Variants in DNER observed in about 807,000 individuals in gnomAD.
DNER encodes the protein delta and Notch-like epidermal growth factor-related receptor.
DNER carries 33 observed loss-of-function variants against 78.2 expected under a neutral mutation model. The ratio of observed to expected loss-of-function variants is 0.42; its 90% confidence interval spans 0.32 to 0.56. The LOEUF (loss-of-function observed/expected upper bound fraction) is 0.56, where lower values mean the gene tolerates loss of function less well. Among genes scored for constraint, DNER ranks in the 20% least tolerant of loss-of-function variants. The pLI, the probability that DNER is intolerant of heterozygous loss-of-function variation, is 0.11. For synonymous variants in DNER, 417 were observed against 384.8 expected (o/e 1.08, Z -0.98); for missense variants, 918 against 975.3 (o/e 0.94, Z 0.78).
At chr2:229,572,141 G>C (rs1296054210) in intron 4 of DNER, among the ~76,000 whole-genome samples, 8 of 152,000 alleles carry the variant, frequency 5.3e-5, no homozygotes, top group Non-Finnish European at 1.0e-4. Context: ...TCTCCCTCCC[G>C]TGTTGTTACT....
intron 10 of DNER, among the ~76,000 whole-genome samples, chr2:229,399,600 G>C (rs536828862): frequency 1.3e-5 from 2 of 151,876 alleles, no homozygotes; most frequent in Admixed American, 1.3e-4. Flanking sequence ...AAAAAAATAA[G>C]GTGGTAGGAA....
At chr2:229,639,362 C>T (rs1177257065) in intron 1 of DNER, among the ~76,000 whole-genome samples, 1 of 152,100 alleles carries the variant, frequency 6.6e-6, no homozygotes, top group African/African-American at 2.4e-5. Flanking sequence ...TCAAGCGATT[C>T]TCCTGCCTCA....
In DNER at chr2:229,424,489, A is replaced by C. The variant is rs554098284; in HGVS notation, c.1487-6259T>G. Among the ~76,000 whole-genome samples the C allele has an allele frequency of 4.6e-5, 7 of 152,228 alleles. No homozygotes were observed. The South Asian group carries it at 1.5e-3, about 32-fold the overall frequency. ...AAAACTTATTTTCCCAGAGTTTTGG[A>C]GGCTAGAAGTCCATGTCAAGGTGTC... is the stretch of plus-strand genomic sequence containing the variant. On this transcript the variant is annotated intron_variant, in intron 8 of 12. Coordinates refer to ENST00000341772, the MANE Select transcript of DNER (RefSeq NM_139072.4).
chr2:229,677,441 C>T (rs1237555200), intron 1 of DNER, among the ~76,000 whole-genome samples: 5 of 152,268 alleles, frequency 3.3e-5, no homozygotes, highest in Non-Finnish European at 7.3e-5. Context: ...TTCCAAATCC[C>T]TGTTTTGACT....
At chr2:229,681,498 A>G (rs1222283566) in intron 1 of DNER, among the ~76,000 whole-genome samples, 2 of 152,138 alleles carry the variant, frequency 1.3e-5, no homozygotes, top group East Asian at 1.9e-4. Flanking sequence ...TGTCCCTCCT[A>G]GAAAACACAT....
Position 229,618,134 on chromosome 2 carries a change from A to G in DNER, c.277-26246T>C, listed in dbSNP as rs529987153. Among the ~76,000 whole-genome samples, 6 of 152,278 alleles carry G rather than the reference A, an allele frequency of 3.9e-5. No individual in the cohort carries two copies. The East Asian group carries it at 7.7e-4, about 20-fold the overall frequency. On this transcript the variant is annotated intron_variant, in intron 1 of 12. Transcript: ENST00000341772. Reference sequence around the variant, plus strand: ...GCCAGCCCTATATTCTCATAGATACATAATGTAGGCAATAGAGCATAATGG... The same window carrying G: ...GCCAGCCCTATATTCTCATAGATACGTAATGTAGGCAATAGAGCATAATGG...
intron 6 of DNER, among the ~76,000 whole-genome samples, chr2:229,481,761 A>G (rs1267723894): frequency 1.3e-5 from 2 of 152,250 alleles, no homozygotes; most frequent in Admixed American, 1.3e-4. Context: ...TCCTTTTGCC[A>G]CTAAAGCAAT....
Position 229,518,221 on chromosome 2 carries a change from C to T in DNER, c.994-5285G>A, listed in dbSNP as rs1375406154. Among the ~76,000 whole-genome samples, 6 of 152,156 alleles carry T rather than the reference C, an allele frequency of 3.9e-5. No individual in the cohort carries two copies. In the East Asian group the frequency reaches 1.2e-3, roughly 29 times the overall value. Reference sequence around the variant, plus strand: ...TTACTCAGCATTATAAAATAACTGGCTATTACTGGATAATTTAACTTAAAC... The same window carrying T: ...TTACTCAGCATTATAAAATAACTGGTTATTACTGGATAATTTAACTTAAAC... On this transcript the variant is annotated intron_variant, in intron 5 of 12. Transcript: ENST00000341772.
At chr2:229,493,584 G>A (rs1404681045) in intron 6 of DNER, among the ~76,000 whole-genome samples, 1 of 152,160 alleles carries the variant, frequency 6.6e-6, no homozygotes, top group Non-Finnish European at 1.5e-5. Context: ...ACAGAGGGAA[G>A]AGGAAGAAGA....
chr2:229,466,979 C>A (rs1001503068), intron 7 of DNER, among the ~76,000 whole-genome samples: 3 of 152,074 alleles, frequency 2.0e-5, no homozygotes, highest in Non-Finnish European at 4.4e-5. Context: ...GCATAAATTT[C>A]TTTGGTCATC....
At chr2:229,626,875 AAT>A (rs1305039604) in intron 1 of DNER, among the ~76,000 whole-genome samples, 5 of 152,222 alleles carry the variant, frequency 3.3e-5, no homozygotes, top group African/African-American at 1.2e-4. Flanking sequence ...AAATAAAAGA[AAT>A]ATCCAACTCA....
intron 7 of DNER, among the ~76,000 whole-genome samples, chr2:229,451,005 G>T (rs1342274927): frequency 6.6e-6 from 1 of 152,188 alleles, no homozygotes; most frequent in Non-Finnish European, 1.5e-5. Flanking sequence ...CCATGGCAAG[G>T]CCCCCTTTCT....
At chr2:229,449,313 A>AAGG in intron 7 of DNER, among the ~76,000 whole-genome samples, 1 of 152,336 alleles carries the variant, frequency 6.6e-6, no homozygotes, top group East Asian at 1.9e-4. Flanking sequence ...ATTTAACATG[A>AAGG]TTTCAAAAAT....
At chr2:229,420,449 G>A (rs183965023) in intron 8 of DNER, among the ~76,000 whole-genome samples, 2 of 152,170 alleles carry the variant, frequency 1.3e-5, no homozygotes, top group East Asian at 3.9e-4. Flanking sequence ...GTATATTTGT[G>A]CTTTTGTTGC....
chr2:229,391,858 G>A (rs575470545), intron 10 of DNER, among the ~76,000 whole-genome samples: 18 of 152,098 alleles, frequency 1.2e-4, no homozygotes, highest in African/African-American at 3.6e-4. Flanking sequence ...TTTTTTCAAT[G>A]TACTACCTTC....
At chr2:229,413,790 T>C (rs1408588626) in intron 9 of DNER, among the ~76,000 whole-genome samples, 1 of 150,552 alleles carries the variant, frequency 6.6e-6, no homozygotes, top group Non-Finnish European at 1.5e-5. Flanking sequence ...ATATATATAG[T>C]TTAAAAAATA....
chr2:229,449,674 T>G (rs981044932), intron 7 of DNER, among the ~76,000 whole-genome samples: 1 of 152,232 alleles, frequency 6.6e-6, no homozygotes, highest in Non-Finnish European at 1.5e-5. Flanking sequence ...AGGCTCATGA[T>G]AAATTCCATA....
At chr2:229,544,098 T>C (rs1696571715) in intron 5 of DNER, among the ~76,000 whole-genome samples, 1 of 152,224 alleles carries the variant, frequency 6.6e-6, no homozygotes, top group South Asian at 2.1e-4. Flanking sequence ...ATGTTCTCCT[T>C]AGCCTCCTCT....
At chr2:229,577,234 T>C (rs770617975) in intron 4 of DNER, among the ~76,000 whole-genome samples, 2 of 152,180 alleles carry the variant, frequency 1.3e-5, no homozygotes, top group Non-Finnish European at 2.9e-5. Context: ...CCTCCACCAA[T>C]AAAAGCTAAT....
Sources: allele counts gnomAD v4.1 joint callset (sites outside exome capture counted in the v4.1 genomes callset), GRCh38; gene constraint gnomAD v4.1.1; transcripts MANE v1.5; gene names NCBI Gene and HGNC (gene_info 2026-07-23, HGNC 2026-07-21).